ERG: variants seen among roughly 807,000 people sequenced by gnomAD.
ERG encodes ETS transcription factor ERG, also known as transcriptional regulator ERG.
A neutral mutation model predicts 55.3 loss-of-function variants in ERG; 9 were observed. The ratio of observed to expected loss-of-function variants is 0.16; its 90% CI spans 0.10 to 0.28. ERG has a LOEUF of 0.28. Ranked by LOEUF, ERG falls within the 10% of genes least tolerant of loss-of-function variation. The pLI is 1.00. For missense variants in ERG, 434 were observed against 631.6 expected (o/e 0.69, Z 3.35); for synonymous variants, 223 against 237.3 (o/e 0.94, Z 0.55).
chr21:38,628,386 G>T (rs1196541100), intron 1 of ERG, among the ~76,000 whole-genome samples: 1 of 152,166 alleles, frequency 6.6e-6, no homozygotes, highest in East Asian at 1.9e-4. Context: ...ATTGTCAAGA[G>T]CTTTGCCCAT....
At chr21:38,470,185 TCTGTCCCAATTGTATTAAGCAAAACA>T (rs1471293610) in intron 1 of ERG, among the ~76,000 whole-genome samples, 7 of 152,196 alleles carry the variant, frequency 4.6e-5, no homozygotes, top group African/African-American at 1.7e-4. Flanking sequence ...ACCTGTCTTC[TCTGTCCCAATTGTATTAAGCAAAACA>T]CTTAATACAA....
rs577572581 is a variant in ERG, at chr21:38,512,077, G to GA, written c.-41+63584dup. On this transcript the variant is annotated intron_variant, in intron 2 of 8. Transcript: ENST00000398897. ...ATTGTCAGATGGGATAGATTGACCT[G>GA]AAAAAATCACATAAACCAACAGCTG... 5.9e-5 allele frequency among the ~76,000 whole-genome samples: 9 copies of GA among 152,240 alleles called. No individual in the cohort carries two copies. The East Asian group carries it at 1.2e-3, about 20-fold the overall frequency.
At chr21:38,602,795 G>C (rs1042492794) in intron 1 of ERG, among the ~76,000 whole-genome samples, 22 of 151,280 alleles carry the variant, frequency 1.5e-4, no homozygotes, top group Admixed American at 1.3e-3. Flanking sequence ...GCAGCTAGAA[G>C]TTTCCTGAAG....
At chr21:38,400,755 C>T (rs1469754166) in intron 5 of ERG, 110 bp from the exon 6 acceptor site, 1 of 747,662 alleles carries the variant, frequency 1.3e-6, no homozygotes, top group African/African-American at 1.8e-5. Context: ...AAGAGACCTC[C>T]TCAAACCTGC....
At chr21:38,600,159 CAAACCTA>C (rs1480188006) in intron 1 of ERG, among the ~76,000 whole-genome samples, 6 of 152,190 alleles carry the variant, frequency 3.9e-5, no homozygotes, top group Non-Finnish European at 7.3e-5. Context: ...CAAGGAGATC[CAAACCTA>C]CCCGCAATCC....
At chr21:38,630,117 A>G (rs776496378) in intron 1 of ERG, among the ~76,000 whole-genome samples, 34 of 151,994 alleles carry the variant, frequency 2.2e-4, no homozygotes, top group Non-Finnish European at 3.4e-4. Flanking sequence ...GGGAAGGGGG[A>G]ATTAGTGTTC....
upstream of ERG, among the ~76,000 whole-genome samples, chr21:38,585,532 C>CTTTTTTGTTTTTTTTTTTTTT (rs1555869006): frequency 1.7e-5 from 1 of 59,270 alleles, no homozygotes; most frequent in Non-Finnish European, 3.1e-5. Flanking sequence ...TCTCTCTCTT[C>CTTTTTTGTTTTTTTTTTTTTT]TTTTTTTTTT....
chr21:38,392,501 C>T lies in ERG; in HGVS notation c.746-57G>A, dbSNP rs12106360. 5,132 of 1,260,556 alleles carry T rather than the reference C, an allele frequency of 4.1e-3. 146 individuals are homozygous for T. The African/African-American group carries it at 0.067, about 16-fold the overall frequency. The allele number at this position is 1,260,556 out of a possible 1,614,324, so 78.1% of individuals were successfully genotyped here. A position where few individuals can be genotyped will look rare whatever the true frequency, so the allele number is the denominator to read the frequency against. ...AATCATGTAATTTTTATAAGAGATG[C>T]TTTGGTTTTTTATTTGATTTTGTAT... On this transcript the variant is annotated intron_variant, in intron 6 of 9. Coordinates refer to ENST00000288319, the MANE Select transcript of ERG (RefSeq NM_182918.4).
intron 1 of ERG, among the ~76,000 whole-genome samples, chr21:38,639,909 C>T (rs1427622831): frequency 2.0e-5 from 3 of 152,134 alleles, no homozygotes; most frequent in Non-Finnish European, 4.4e-5. Context: ...CCTAGGGTGC[C>T]AGAGGGCAGA....
At chr21:38,445,346 T>C in intron 2 of ERG, 58 bp downstream of exon 2, 6 of 1,427,932 alleles carry the variant, frequency 4.2e-6, no homozygotes, top group Non-Finnish European at 5.9e-6. Context: ...CCACTTTGCC[T>C]TTGCAAAGGA....
intron 2 of ERG, among the ~76,000 whole-genome samples, chr21:38,432,352 C>T (rs997605660): frequency 2.0e-5 from 3 of 152,306 alleles, no homozygotes; most frequent in South Asian, 2.1e-4. Flanking sequence ...CCTCAGCCTC[C>T]CCAAGAACTG....
intron 2 of ERG, among the ~76,000 whole-genome samples, chr21:38,424,181 G>GCGCTCTCT (rs1555896858): frequency 0.017 from 1,539 of 87,968 alleles, 59 homozygotes; most frequent in African/African-American, 0.061. Flanking sequence ...AGAGACCAGA[G>GCGCTCTCT]CTCGAGCTCT....
intron 2 of ERG, among the ~76,000 whole-genome samples, chr21:38,565,338 A>G (rs1203038496): frequency 6.6e-6 from 1 of 152,204 alleles, no homozygotes; most frequent in Non-Finnish European, 1.5e-5. Flanking sequence ...TGTAAATTAT[A>G]CTTCAAGAAA....
At chr21:38,605,404 C>G (rs2146918041) in intron 1 of ERG, among the ~76,000 whole-genome samples, 1 of 152,228 alleles carries the variant, frequency 6.6e-6, no homozygotes, top group East Asian at 1.9e-4. Flanking sequence ...ACAATCAGGC[C>G]TTATTCCAAT....
chr21:38,541,081 G>A (rs1279835593), intron 2 of ERG, among the ~76,000 whole-genome samples: 1 of 152,246 alleles, frequency 6.6e-6, no homozygotes, highest in East Asian at 1.9e-4. Flanking sequence ...GAGTGGAAAG[G>A]GCACTGTGGT....
At chr21:38,643,379 G>A (rs910916323) in intron 1 of ERG, among the ~76,000 whole-genome samples, 2 of 152,138 alleles carry the variant, frequency 1.3e-5, no homozygotes, top group African/African-American at 2.4e-5. Context: ...GTGAGCCCAC[G>A]TGCACCCCAT....
intron 1 of ERG, among the ~76,000 whole-genome samples, chr21:38,481,304 T>C (rs965163524): frequency 2.6e-5 from 4 of 152,248 alleles, no homozygotes; most frequent in African/African-American, 9.6e-5. Context: ...CATTTATTCA[T>C]GCATTCATTC....
At chr21:38,493,735 T>TCC in intron 1 of ERG, among the ~76,000 whole-genome samples, 1 of 152,056 alleles carries the variant, frequency 6.6e-6, no homozygotes, top group African/African-American at 2.4e-5. Context: ...CCCTGGACGC[T>TCC]CCACCTGCCC....
At chr21:38,422,626 G>A (rs895691900) in intron 3 of ERG, among the ~76,000 whole-genome samples, 4 of 152,230 alleles carry the variant, frequency 2.6e-5, no homozygotes, top group Non-Finnish European at 4.4e-5. Context: ...TGTATCCTCT[G>A]AGGAGCTTTA....
Sources: gnomAD v4.1 joint callset for allele counts (sites outside exome capture counted in the v4.1 genomes callset) on GRCh38, gnomAD v4.1.1 for gene constraint, MANE v1.5 for transcripts, NCBI Gene and HGNC (gene_info 2026-07-23, HGNC 2026-07-21) for gene names.